ZNF569: variants seen among roughly 807,000 people sequenced by gnomAD.
ZNF569 encodes the protein zinc finger protein 569.
ZNF569 carries 38 observed loss-of-function variants against 56.3 expected under a neutral mutation model. The ratio of observed to expected loss-of-function variants is 0.68; its 90% CI spans 0.52 to 0.88. The LOEUF is 0.88. Ranked by LOEUF, ZNF569 falls within the 40% of genes least tolerant of loss-of-function variation. ZNF569 has a pLI of 0.00. For missense variants in ZNF569, 666 were observed against 809.2 expected, an observed-to-expected ratio of 0.82 and a Z score of 2.15; for synonymous variants, 241 against 262.9, an observed-to-expected ratio of 0.92 and a Z score of 0.81.
intron 2 of ZNF569, among the ~76,000 whole-genome samples, chr19:37,447,639 A>AT (rs1350691023): frequency 1.3e-5 from 2 of 152,140 alleles, no homozygotes; most frequent in African/African-American, 4.8e-5. Context: ...AGTGACTATT[A>AT]TAATAGTAGT....
chr19:37,469,014 C>T (rs2076458986), upstream of ZNF569: 13 of 981,072 alleles, frequency 1.3e-5, no homozygotes, highest in Middle Eastern at 5.2e-4. Flanking sequence ...ATTCTCAACT[C>T]CCCGCCCTGG....
At chr19:37,451,231 C>T (rs1441373567) in intron 2 of ZNF569, among the ~76,000 whole-genome samples, 4 of 151,898 alleles carry the variant, frequency 2.6e-5, no homozygotes, top group African/African-American at 9.7e-5. Context: ...GAAACCCTGT[C>T]TCTGCTAAAA....
At chr19:37,445,398 A>T (rs1488001496) in intron 2 of ZNF569, among the ~76,000 whole-genome samples, 2 of 152,220 alleles carry the variant, frequency 1.3e-5, no homozygotes, top group East Asian at 3.8e-4. Flanking sequence ...AGTAATGTGT[A>T]TCGGAGGTAC....
intron 2 of ZNF569, among the ~76,000 whole-genome samples, chr19:37,460,706 G>A (rs1458148986): frequency 2.0e-5 from 3 of 151,432 alleles, no homozygotes; most frequent in Non-Finnish European, 4.4e-5. Flanking sequence ...AGTGTGCCAT[G>A]ACTGCATCTG....
At chr19:37,423,705 G>C (rs1429166524) in intron 5 of ZNF569, among the ~76,000 whole-genome samples, 1 of 152,032 alleles carries the variant, frequency 6.6e-6, no homozygotes, top group African/African-American at 2.4e-5. Flanking sequence ...TACAAATTAA[G>C]AACTTGACAG....
upstream of ZNF569, chr19:37,468,003 C>A (rs756639386): frequency 7.0e-7 from 1 of 1,433,684 alleles, no homozygotes; most frequent in Admixed American, 2.0e-5. Context: ...CGCCTGACTT[C>A]TAAACAGACT....
chr19:37,428,524 TA>T (rs577659092), intron 3 of ZNF569, among the ~76,000 whole-genome samples: 4,713 of 87,948 alleles, frequency 0.054, 194 homozygotes, highest in African/African-American at 0.16. Context: ...CCCTGTCTCT[TA>T]AAAAAAAAAA....
At chr19:37,452,007 T>C (rs572639119) in intron 2 of ZNF569, among the ~76,000 whole-genome samples, 2 of 152,366 alleles carry the variant, frequency 1.3e-5, no homozygotes, top group South Asian at 4.1e-4. Context: ...ATCTCTTCTC[T>C]CTTGCAGTCT....
intron 5 of ZNF569, among the ~76,000 whole-genome samples, chr19:37,419,839 A>C (rs1258609107): frequency 6.6e-6 from 1 of 152,058 alleles, no homozygotes; most frequent in Non-Finnish European, 1.5e-5. Flanking sequence ...AATCATCTGA[A>C]CCTTCAGTGA....
intron 2 of ZNF569, among the ~76,000 whole-genome samples, chr19:37,449,647 C>CTT (rs548886505): frequency 1.2e-4 from 16 of 138,636 alleles, no homozygotes; most frequent in Middle Eastern, 3.7e-3. Context: ...GTTGCTTCCT[C>CTT]TTTTTTTTTT....
intron 2 of ZNF569, among the ~76,000 whole-genome samples, chr19:37,457,768 A>G (rs2041697068): frequency 6.6e-6 from 1 of 152,200 alleles, no homozygotes; most frequent in Non-Finnish European, 1.5e-5. Context: ...GCACACGAAC[A>G]TGGGACATGT....
chr19:37,444,256 A>G (rs2041455886), intron 3 of ZNF569, among the ~76,000 whole-genome samples: 2 of 152,186 alleles, frequency 1.3e-5, no homozygotes, highest in African/African-American at 2.4e-5. Context: ...ATCACAATAC[A>G]TTAGTTTTGC....
At chr19:37,426,400 C>A (rs779804567) in intron 3 of ZNF569, 22 bp from the exon 4 acceptor site, 2 of 1,576,000 alleles carry the variant, frequency 1.3e-6, no homozygotes, top group South Asian at 1.2e-5. Context: ...CACTCCCACT[C>A]AATCTGAAGT....
chr19:37,416,258 CAA>C (rs1255894148), intron 5 of ZNF569, among the ~76,000 whole-genome samples: 1 of 129,004 alleles, frequency 7.8e-6, no homozygotes, highest in Non-Finnish European at 1.7e-5. Context: ...AACAAAAAAA[CAA>C]AAAAACAAAA....
At chr19:37,426,428 T>A in intron 3 of ZNF569, 50 bp from the exon 4 acceptor site, 1 of 1,520,104 alleles carries the variant, frequency 6.6e-7, no homozygotes, top group Non-Finnish European at 8.8e-7. Flanking sequence ...CTTGGGTGAT[T>A]GTAAACAAAA....
At chr19:37,424,046 G>A (rs1311110213) in intron 5 of ZNF569, among the ~76,000 whole-genome samples, 1 of 151,934 alleles carries the variant, frequency 6.6e-6, no homozygotes. Context: ...ACATACACTT[G>A]CATATGTACA....
intron 5 of ZNF569, 175 bp downstream of exon 5, chr19:37,425,693 G>A: frequency 9.6e-6 from 5 of 520,488 alleles, no homozygotes; most frequent in Admixed American, 5.4e-5. Flanking sequence ...CCAAACTCCT[G>A]GACTCAAGCA....
intron 3 of ZNF569, among the ~76,000 whole-genome samples, chr19:37,437,015 CAA>C (rs368735580): frequency 1.6e-4 from 16 of 100,148 alleles, no homozygotes; most frequent in Non-Finnish European, 1.3e-4. Context: ...CAAGACACAT[CAA>C]AAAAAAAAAA....
chr19:37,459,734 A>T (rs1218410374), intron 2 of ZNF569, among the ~76,000 whole-genome samples: 1 of 152,228 alleles, frequency 6.6e-6, no homozygotes, highest in Admixed American at 6.5e-5. Flanking sequence ...TATAATGATA[A>T]CAATGTATTA....
Sources: gnomAD v4.1 joint callset for allele counts (sites outside exome capture counted in the v4.1 genomes callset) on GRCh38, gnomAD v4.1.1 for gene constraint, MANE v1.5 for transcripts, NCBI Gene and HGNC (gene_info 2026-07-23, HGNC 2026-07-21) for gene names.